CNTNAP2: variants seen among roughly 807,000 people sequenced by gnomAD.
CNTNAP2 encodes the protein contactin-associated protein-like 2.
In CNTNAP2, 98 loss-of-function variants were observed where a neutral mutation model predicts 155.2. That is an observed-to-expected ratio of 0.63 (90% CI 0.54 to 0.75). The LOEUF (loss-of-function observed/expected upper bound fraction) is 0.75. Ranked by LOEUF, CNTNAP2 falls within the 30% of genes least tolerant of loss-of-function variation. The probability of loss-of-function intolerance (pLI) is 0.00; values close to 1 mark genes in which losing one functional copy is unlikely to be tolerated. For synonymous variants in CNTNAP2, 651 were observed against 631.2 expected, an observed-to-expected ratio of 1.03 and a Z score of -0.47; for missense variants, 1,727 against 1,688.1, an observed-to-expected ratio of 1.02 and a Z score of -0.40.
chr7:148,225,991 T>C (rs1795841233), intron 19 of CNTNAP2, among the ~76,000 whole-genome samples: 1 of 152,114 alleles, frequency 6.6e-6, no homozygotes, highest in African/African-American at 2.4e-5. Context: ...TGAGGGAAAA[T>C]ATCAAGTAGA....
chr7:147,005,702 A>G lies in CNTNAP2; in HGVS notation c.403-38205A>G, dbSNP rs191618233. On this transcript the variant is annotated intron_variant, in intron 3 of 23. Coordinates refer to ENST00000361727, the MANE Select transcript of CNTNAP2 (RefSeq NM_014141.6). ...AACCAGTGCCTTCTCCACTGAAAAG[A>G]GTCTCTGGTGATTTAGTTATCCTTT... Among the ~76,000 whole-genome samples, 58 of 152,212 alleles carry G rather than the reference A, an allele frequency of 3.8e-4. No homozygotes were observed. The East Asian group carries it at 0.011, about 28-fold the overall frequency.
intron 10 of CNTNAP2, among the ~76,000 whole-genome samples, chr7:147,450,539 T>G (rs1381001917): frequency 2.0e-5 from 3 of 152,106 alleles, no homozygotes; most frequent in African/African-American, 7.2e-5. Context: ...ATTTGTGTGG[T>G]TTTAAGCTGA....
intron 1 of CNTNAP2, among the ~76,000 whole-genome samples, chr7:146,447,989 T>A (rs1267862092): frequency 6.6e-6 from 1 of 152,028 alleles, no homozygotes; most frequent in Non-Finnish European, 1.5e-5. Flanking sequence ...AATTGGATGA[T>A]AATAAGAGAG....
intron 17 of CNTNAP2, among the ~76,000 whole-genome samples, chr7:148,165,673 C>CAA (rs1805641585): frequency 6.6e-6 from 1 of 152,166 alleles, no homozygotes. Flanking sequence ...CTGGGAAGCT[C>CAA]ACATGCCATG....
In CNTNAP2 at chr7:146,865,425, A is replaced by T. The variant is rs1449225057; in HGVS notation, c.402+25521A>T. Among the ~76,000 whole-genome samples, 7 of 152,154 alleles carry T rather than the reference A, an allele frequency of 4.6e-5. No homozygotes were observed. The South Asian group carries it at 1.2e-3, about 27-fold the overall frequency. On this transcript the variant is annotated intron_variant, in intron 3 of 23. Transcript: ENST00000361727. ...AAATTACTATAAACTTATAATAAAG[A>T]TAGTCTTGTATAGCTGTAAATATAA... is the stretch of plus-strand genomic sequence containing the variant.
intron 1 of CNTNAP2, among the ~76,000 whole-genome samples, chr7:146,228,994 C>A (rs1475277263): frequency 6.6e-6 from 1 of 152,116 alleles, no homozygotes; most frequent in African/African-American, 2.4e-5. Flanking sequence ...TACAATCAAG[C>A]TCTCTATCTA....
At chr7:146,201,492 G>A (rs761987172) in intron 1 of CNTNAP2, among the ~76,000 whole-genome samples, 1 of 152,076 alleles carries the variant, frequency 6.6e-6, no homozygotes, top group Non-Finnish European at 1.5e-5. Context: ...ACAATAGCCT[G>A]AGCCTTACCT....
chr7:146,985,311 T>A (rs1461626626), intron 3 of CNTNAP2, among the ~76,000 whole-genome samples: 26 of 4,760 alleles, frequency 5.5e-3, no homozygotes, highest in African/African-American at 7.0e-3. Context: ...TGCTTGAATT[T>A]TTTTTTTTTT....
chr7:146,578,703 G>T (rs1798563216), intron 1 of CNTNAP2, among the ~76,000 whole-genome samples: 1 of 152,050 alleles, frequency 6.6e-6, no homozygotes. Flanking sequence ...AAGATTCAAA[G>T]AAGTGAATCT....
At chr7:147,475,764 C>T (rs1367343278) in intron 10 of CNTNAP2, among the ~76,000 whole-genome samples, 2 of 152,054 alleles carry the variant, frequency 1.3e-5, no homozygotes, top group African/African-American at 2.4e-5. Context: ...TTGCCACATA[C>T]GTTTAAATCT....
At chr7:146,133,450 G>T (rs1314654672) in intron 1 of CNTNAP2, among the ~76,000 whole-genome samples, 1 of 152,048 alleles carries the variant, frequency 6.6e-6, no homozygotes, top group Non-Finnish European at 1.5e-5. Flanking sequence ...GGCTTTTGTT[G>T]CCCTTGCTTT....
chr7:148,194,115 T>G (rs909934329), intron 18 of CNTNAP2, among the ~76,000 whole-genome samples: 17 of 150,490 alleles, frequency 1.1e-4, no homozygotes, highest in African/African-American at 2.9e-4. Flanking sequence ...GGATTACAGG[T>G]GCATGCCACC....
chr7:147,173,990 C>T (rs542444905), intron 8 of CNTNAP2, among the ~76,000 whole-genome samples: 2 of 152,208 alleles, frequency 1.3e-5, no homozygotes, highest in Non-Finnish European at 2.9e-5. Context: ...GCATCAATAG[C>T]AAGCATAGGG....
chr7:146,457,003 G>T, intron 1 of CNTNAP2, among the ~76,000 whole-genome samples: 1 of 152,056 alleles, frequency 6.6e-6, no homozygotes, highest in Non-Finnish European at 1.5e-5. Flanking sequence ...ATATTTAAAT[G>T]TATTTTTTTC....
At chr7:146,182,865 A>T (rs373384453) in intron 1 of CNTNAP2, among the ~76,000 whole-genome samples, 1 of 151,946 alleles carries the variant, frequency 6.6e-6, no homozygotes, top group African/African-American at 2.4e-5. Flanking sequence ...CCACTTCCTA[A>T]TATGCTGTAT....
intron 21 of CNTNAP2, among the ~76,000 whole-genome samples, 162 bp downstream of exon 21, chr7:148,267,288 C>G (rs992532201): frequency 6.6e-6 from 1 of 151,814 alleles, no homozygotes; most frequent in African/African-American, 2.4e-5. Flanking sequence ...GTTGCACAAG[C>G]AAAGCGTCAA....
intron 12 of CNTNAP2, among the ~76,000 whole-genome samples, chr7:147,579,797 C>T (rs533980019): frequency 1.3e-5 from 2 of 152,102 alleles, no homozygotes; most frequent in Non-Finnish European, 2.9e-5. Context: ...TTAGATATAT[C>T]ATAATGCAAT....
chr7:147,738,662 A>AT lies in CNTNAP2; in HGVS notation c.2098+99367dup, dbSNP rs869054014. ...AATGTAAACATAACTTTTTTTTTTTATTTTTTTTTTTAGGTGGAGTCTTGC... is the reference window on the plus strand; with the variant it reads ...AATGTAAACATAACTTTTTTTTTTTATTTTTTTTTTTTAGGTGGAGTCTTGC... On this transcript the variant is annotated intron_variant, in intron 13 of 23. Transcript: ENST00000361727. Among the ~76,000 whole-genome samples, 21 of 11,272 alleles carry AT rather than the reference A, an allele frequency of 1.9e-3. No individual in the cohort carries two copies. The South Asian group carries it at 0.027, about 15-fold the overall frequency. The allele number at this position is 11,272 out of a possible 152,430, so 7.4% of individuals were successfully genotyped here. A position where few individuals can be genotyped will look rare whatever the true frequency, so the allele number is the denominator to read the frequency against.
At chr7:146,907,522 A>T (rs1796162285) in intron 3 of CNTNAP2, among the ~76,000 whole-genome samples, 1 of 136,304 alleles carries the variant, frequency 7.3e-6, no homozygotes, top group African/African-American at 2.8e-5. Flanking sequence ...AAGAATTTTC[A>T]ACCCAGAATT....
Sources: allele counts gnomAD v4.1 joint callset (sites outside exome capture counted in the v4.1 genomes callset), GRCh38; gene constraint gnomAD v4.1.1; transcripts MANE v1.5; gene names NCBI Gene and HGNC (gene_info 2026-07-23, HGNC 2026-07-21).